The following FRAS1 variants were observed in gnomAD, a reference collection of about 807,000 sequenced individuals.
FRAS1 encodes Fraser extracellular matrix complex subunit 1.
A neutral mutation model predicts 435.2 loss-of-function variants in FRAS1; 290 were observed. The observed-to-expected ratio is 0.67, with a 90% CI of 0.61 to 0.73. The LOEUF (loss-of-function observed/expected upper bound fraction) is 0.73, where lower values mean the gene tolerates loss of function less well. Ranked by LOEUF, FRAS1 falls within the 30% of genes least tolerant of loss-of-function variation. The probability of loss-of-function intolerance (pLI) is 0.00; values close to 1 mark genes in which losing one functional copy is unlikely to be tolerated. For synonymous variants in FRAS1, 1,800 were observed against 1,851.0 expected, an observed-to-expected ratio of 0.97 and a Z score of 0.71; for missense variants, 4,860 against 5,001.5, an observed-to-expected ratio of 0.97 and a Z score of 0.85.
At chr4:78,467,782 G>T (rs187820650) in intron 50 of FRAS1, among the ~76,000 whole-genome samples, 1 of 152,134 alleles carries the variant, frequency 6.6e-6, no homozygotes, top group Non-Finnish European at 1.5e-5. Context: ...GGGGTGAGTT[G>T]ACATCTCATT....
At chr4:78,278,554 C>A (rs905507488) in intron 9 of FRAS1, 101 bp from the exon 10 acceptor site, 8 of 693,982 alleles carry the variant, frequency 1.2e-5, no homozygotes, top group Non-Finnish European at 1.8e-5. Flanking sequence ...AGTGTGCCAG[C>A]GTTTCTTATT....
At chr4:78,260,484 T>G (rs1449259222) in intron 6 of FRAS1, among the ~76,000 whole-genome samples, 1 of 152,078 alleles carries the variant, frequency 6.6e-6, no homozygotes, top group Admixed American at 6.5e-5. Flanking sequence ...GGGAGTTCAC[T>G]CATGATTTGG....
At chr4:78,407,633 T>G (rs1249790196) in intron 30 of FRAS1, 30 bp from the exon 31 acceptor site, 2 of 1,563,868 alleles carry the variant, frequency 1.3e-6, no homozygotes, top group Non-Finnish European at 1.7e-6. Flanking sequence ...CTAGGGACCC[T>G]CACTAACTAT....
Position 78,466,277 on chromosome 4 carries a change from C to G in FRAS1, c.7099C>G (p.Gln2367Glu). 1 of 1,613,906 alleles carries G rather than the reference C, an allele frequency of 6.2e-7. No homozygotes were observed. The highest frequency in any genetic ancestry group is 1.1e-5 in the South Asian group (1 of 91,080). ...CACCATCGAGCGAACCAGCAATGGG[C>G]AGCATTTCCACCTCACCTCCACCTT... ...HGTIERTSNG[Q>E]HFHLTSTFTM... Residue 2367 changes from glutamine (Q) to glutamate (E), a missense_variant, in exon 50 of 74, where the codon CAG becomes GAG. Physicochemically the swap from Gln to Glu is conservative, Grantham distance 29. Coordinates refer to ENST00000512123, the MANE Select transcript of FRAS1 (RefSeq NM_025074.7).
chr4:78,422,948 A>G (rs1189037395), intron 34 of FRAS1, among the ~76,000 whole-genome samples: 2 of 152,030 alleles, frequency 1.3e-5, no homozygotes, highest in African/African-American at 2.4e-5. Context: ...TTTTTAATGG[A>G]AGGAAAGTCT....
At chr4:78,413,572 G>A (rs1418948765) in intron 32 of FRAS1, among the ~76,000 whole-genome samples, 1 of 152,166 alleles carries the variant, frequency 6.6e-6, no homozygotes, top group African/African-American at 2.4e-5. Flanking sequence ...GAAAATCTGG[G>A]GACACATTGG....
rs144606473 is a variant in FRAS1 at position 78,338,446 on chromosome 4, G to A, written c.2422+629G>A. Reference sequence around the variant, plus strand: ...TCAGATGCTCAGAATACAGGAAAACGATGAAGGAGACAATGACTCCACCAC... The same window carrying A: ...TCAGATGCTCAGAATACAGGAAAACAATGAAGGAGACAATGACTCCACCAC... On this transcript the variant is annotated intron_variant, in intron 20 of 73. Coordinates refer to ENST00000512123, the MANE Select transcript of FRAS1 (RefSeq NM_025074.7). 3.3e-5 allele frequency among the ~76,000 whole-genome samples: 5 copies of A among 152,286 alleles called. No individual in the cohort carries two copies. In the East Asian group the frequency reaches 5.8e-4, roughly 18 times the overall value.
At chr4:78,497,746 G>T (rs746139772) in intron 60 of FRAS1, among the ~76,000 whole-genome samples, 27 of 152,150 alleles carry the variant, frequency 1.8e-4, no homozygotes, top group Admixed American at 3.9e-4. Flanking sequence ...ACTTCATTCT[G>T]TCTGATTCTA....
intron 14 of FRAS1, among the ~76,000 whole-genome samples, chr4:78,304,616 T>G (rs953039097): frequency 1.2e-4 from 19 of 152,038 alleles, no homozygotes; most frequent in South Asian, 2.1e-4. Context: ...GTCGAGGAAT[T>G]TACCCATTTC....
intron 38 of FRAS1, among the ~76,000 whole-genome samples, chr4:78,436,500 G>T (rs572984449): frequency 2.0e-4 from 30 of 152,278 alleles, no homozygotes; most frequent in Admixed American, 1.4e-3. Flanking sequence ...GCACAGCAAA[G>T]AACTTGTGCA....
At position 78,259,789 on chromosome 4, in the gene FRAS1, C is replaced by A. The variant is rs1245539320; in HGVS notation, c.603+4414C>A. ...AGACATGAAGTCCTTGCCCATGCCT[C>A]TGTCCTGAATGGTAATGCCTAGGTT... On this transcript the variant is annotated intron_variant, in intron 6 of 73. Coordinates refer to ENST00000512123, the MANE Select transcript of FRAS1 (RefSeq NM_025074.7). 3.6e-3 allele frequency among the ~76,000 whole-genome samples: 540 copies of A among 150,128 alleles called. 2 individuals are homozygous for A. Among genetic ancestry groups the A allele is most frequent in the Non-Finnish European group, 5.8e-3 (394 of 67,366 alleles).
intron 2 of FRAS1, chr4:78,182,031 G>T: frequency 6.6e-7 from 1 of 1,525,262 alleles, no homozygotes; most frequent in Non-Finnish European, 8.8e-7. Flanking sequence ...AAGCCTTCCT[G>T]TAAGTGCCCA....
At chr4:78,494,052 A>AT (rs1305937584) in intron 59 of FRAS1, among the ~76,000 whole-genome samples, 7 of 152,048 alleles carry the variant, frequency 4.6e-5, no homozygotes, top group African/African-American at 1.7e-4. Flanking sequence ...CTCCAGCCAC[A>AT]TTCTTTTCCC....
intron 14 of FRAS1, among the ~76,000 whole-genome samples, chr4:78,292,769 A>C (rs1727957046): frequency 6.6e-6 from 1 of 152,128 alleles, no homozygotes; most frequent in Non-Finnish European, 1.5e-5. Flanking sequence ...TGGCCCTTGC[A>C]ACATACCCCA....
chr4:78,285,203 G>A (rs1727526151), intron 13 of FRAS1, among the ~76,000 whole-genome samples: 1 of 151,644 alleles, frequency 6.6e-6, no homozygotes, highest in African/African-American at 2.4e-5. Context: ...CCATTTTAAA[G>A]TGTGTAATTA....
At position 78,149,596 on chromosome 4, in the gene FRAS1, T is replaced by C. The variant is rs116063385; in HGVS notation, c.108+83580T>C. ...ATAGTATGTGTATATTTTAGCCTTT[T>C]CACTTGCTAATCTATTTTGGAGATC... On this transcript the variant is annotated intron_variant, in intron 2 of 73. Transcript: ENST00000512123. Among the ~76,000 whole-genome samples, 840 of 152,332 alleles carry C rather than the reference T, an allele frequency of 5.5e-3. 6 individuals are homozygous for C. The highest frequency in any genetic ancestry group is 0.019 in the African/African-American group (798 of 41,572).
At chr4:78,406,697 A>G (rs1733109775) in intron 30 of FRAS1, among the ~76,000 whole-genome samples, 1 of 152,084 alleles carries the variant, frequency 6.6e-6, no homozygotes, top group Admixed American at 6.5e-5. Flanking sequence ...CCTGTAAAGC[A>G]TATACTATTA....
chr4:78,388,343 A>AC (rs1282696987), intron 29 of FRAS1, among the ~76,000 whole-genome samples: 6 of 151,862 alleles, frequency 4.0e-5, no homozygotes, highest in South Asian at 4.1e-4. Context: ...AAAAAAAAAA[A>AC]AAACAAAAAA....
chr4:78,317,969 G>A (rs901492743), intron 17 of FRAS1, among the ~76,000 whole-genome samples: 2 of 152,148 alleles, frequency 1.3e-5, no homozygotes, highest in Non-Finnish European at 1.5e-5. Flanking sequence ...TGGGCTGCTT[G>A]GGAGGGCAAT....
Sources: allele counts gnomAD v4.1 joint callset (sites outside exome capture counted in the v4.1 genomes callset), GRCh38; gene constraint gnomAD v4.1.1; transcripts MANE v1.5; gene names NCBI Gene and HGNC (gene_info 2026-07-23, HGNC 2026-07-21).